Variants in CDK6 observed in about 807,000 individuals in gnomAD.
CDK6 encodes the protein cyclin dependent kinase 6.
A neutral mutation model predicts 37.1 loss-of-function variants in CDK6; 6 were observed. That is an observed-to-expected ratio of 0.16 (90% CI 0.09 to 0.32). The LOEUF is 0.32. Among genes scored for constraint, CDK6 ranks in the 10% least tolerant of loss-of-function variants. The pLI, the probability that CDK6 is intolerant of heterozygous loss-of-function variation, is 1.00. For missense variants in CDK6, 224 were observed against 418.9 expected, an observed-to-expected ratio of 0.53 and a Z score of 4.06; for synonymous variants, 160 against 161.3, an observed-to-expected ratio of 0.99 and a Z score of 0.06.
intron 4 of CDK6, among the ~76,000 whole-genome samples, chr7:92,722,649 T>C (rs1001509300): frequency 3.9e-5 from 6 of 152,340 alleles, no homozygotes; most frequent in Admixed American, 1.3e-4. Context: ...ATGAGGAATA[T>C]TGACACACAT....
intron 5 of CDK6, among the ~76,000 whole-genome samples, chr7:92,648,665 C>T (rs1796502339): frequency 6.6e-6 from 1 of 152,148 alleles, no homozygotes; most frequent in Non-Finnish European, 1.5e-5. Context: ...ACCTAGAATG[C>T]CCAGTTCAAT....
At chr7:92,680,367 G>A (rs974377783) in intron 4 of CDK6, among the ~76,000 whole-genome samples, 1 of 145,518 alleles carries the variant, frequency 6.9e-6, no homozygotes, top group Admixed American at 6.8e-5. Context: ...AGGAGGTGGA[G>A]GTTGCGGTGA....
Position 92,835,904 on chromosome 7 carries a change from A to G in CDK6, c.-368+574T>C, listed in dbSNP as rs1178930592. ...TCTTCGCGGGGCTCCAAGCCTGGGC[A>G]CTGGCCGGCTGCGTGCACTTTTCTG... On this transcript the variant is annotated intron_variant, in intron 1 of 7. Coordinates refer to ENST00000424848, the MANE Select transcript of CDK6 (RefSeq NM_001145306.2). This position sits in a 1 kb window ranked among gnomAD's most constrained non-coding sequence, Gnocchi z 4.2. Among the ~76,000 whole-genome samples the G allele has an allele frequency of 6.6e-6, 1 of 152,254 alleles. No homozygotes were observed. The highest frequency in any genetic ancestry group is 1.5e-5 in the Non-Finnish European group (1 of 68,044).
At chr7:92,734,475 A>T (rs1353402705) in intron 3 of CDK6, among the ~76,000 whole-genome samples, 1 of 152,086 alleles carries the variant, frequency 6.6e-6, no homozygotes, top group African/African-American at 2.4e-5. Context: ...ATCTTTACTC[A>T]TTTACTGCCC....
At chr7:92,728,499 A>G (rs1469168097) in intron 3 of CDK6, among the ~76,000 whole-genome samples, 1 of 152,196 alleles carries the variant, frequency 6.6e-6, no homozygotes, top group African/African-American at 2.4e-5. Flanking sequence ...TAATGGCTGC[A>G]TGGTTTTTCA....
rs1238515349 is a variant in CDK6 at position 92,605,162 on chromosome 7, C to T, written c.*9978G>A. On this transcript the variant is annotated 3_prime_UTR_variant, in exon 8 of 8. Coordinates refer to ENST00000424848, the MANE Select transcript of CDK6 (RefSeq NM_001145306.2). ...AATTTAGCTTTCACATAAGTGAACACATTGGACAGTGATATTTCAACACCA... is the reference window on the plus strand; with the variant it reads ...AATTTAGCTTTCACATAAGTGAACATATTGGACAGTGATATTTCAACACCA... 4 of 233,066 alleles carry T rather than the reference C, an allele frequency of 1.7e-5. No homozygotes were observed. Among genetic ancestry groups the T allele is most frequent in the Middle Eastern group, 1.2e-3 (1 of 802 alleles). 14.4% of individuals were successfully genotyped at this position (233,066 alleles called of 1,614,324 possible). A position where few individuals can be genotyped will look rare whatever the true frequency, so the allele number is the denominator to read the frequency against.
chr7:92,771,822 T>C (rs1031748096), intron 3 of CDK6, among the ~76,000 whole-genome samples: 4 of 152,218 alleles, frequency 2.6e-5, no homozygotes, highest in Non-Finnish European at 5.9e-5. Flanking sequence ...TTGTTCAGAA[T>C]AACAATATTT....
At chr7:92,620,155 C>G (rs1795777913) in intron 6 of CDK6, among the ~76,000 whole-genome samples, 1 of 152,148 alleles carries the variant, frequency 6.6e-6, no homozygotes, top group South Asian at 2.1e-4. Flanking sequence ...CATCTAATTA[C>G]ATCTTGCAAG....
At chr7:92,695,512 G>C (rs1485699879) in intron 4 of CDK6, among the ~76,000 whole-genome samples, 2 of 152,188 alleles carry the variant, frequency 1.3e-5, no homozygotes, top group African/African-American at 2.4e-5. Context: ...GAGAAAGTCA[G>C]ACTAAGAGCA....
chr7:92,791,025 C>T (rs889028292), intron 2 of CDK6, among the ~76,000 whole-genome samples: 2 of 152,098 alleles, frequency 1.3e-5, no homozygotes, highest in South Asian at 2.1e-4. Flanking sequence ...GTGGTAAGAC[C>T]ACCTGTAAGG....
intron 2 of CDK6, among the ~76,000 whole-genome samples, chr7:92,782,903 G>T (rs1269015265): frequency 6.6e-6 from 1 of 152,198 alleles, no homozygotes; most frequent in Non-Finnish European, 1.5e-5. Flanking sequence ...TAGACACAAT[G>T]AGTGAAGCTC....
rs199895249 is a variant in CDK6, at chr7:92,650,421, GT to G, written c.647+21004del. 3.6e-4 allele frequency among the ~76,000 whole-genome samples: 55 copies of G among 150,976 alleles called. 1 individual carries two copies. In the South Asian group the frequency reaches 0.01, roughly 28 times the overall value. On this transcript the variant is annotated intron_variant, in intron 5 of 7. Transcript: ENST00000424848. ...ATTGTTTATTCCACGATCTTTTGTTGTTTTTTTTTGTTGTTGCTGTTATTTT... is the reference window on the plus strand; with the variant it reads ...ATTGTTTATTCCACGATCTTTTGTTGTTTTTTTTGTTGTTGCTGTTATTTT...
intron 5 of CDK6, among the ~76,000 whole-genome samples, chr7:92,633,916 T>C (rs1796112316): frequency 6.6e-6 from 1 of 152,170 alleles, no homozygotes; most frequent in Non-Finnish European, 1.5e-5. Context: ...GGCTTTCCAA[T>C]TAATTTTAAG....
intron 4 of CDK6, among the ~76,000 whole-genome samples, chr7:92,673,200 A>G (rs1209808839): frequency 6.6e-6 from 1 of 152,180 alleles, no homozygotes; most frequent in Non-Finnish European, 1.5e-5. Context: ...GACCTCCCAT[A>G]TAACTGCAGT....
In CDK6 at chr7:92,609,107, G is replaced by A. The variant is rs1290963513; in HGVS notation, c.*6033C>T. The stretch of plus-strand genomic sequence containing the variant: ...CTAGTGTATGTGGCATTTTGGTTCA[G>A]TATGAATTACTGAGACTCATCTGCT... On this transcript the variant is annotated 3_prime_UTR_variant, in exon 8 of 8. Transcript: ENST00000424848. 2 of 232,942 alleles carry A rather than the reference G, an allele frequency of 8.6e-6. No homozygotes were observed. Among genetic ancestry groups the A allele is most frequent in the African/African-American group, 4.4e-5 (2 of 45,318 alleles). The allele number at this position is 232,942 out of a possible 1,614,324, so 14.4% of individuals were successfully genotyped here.
chr7:92,615,116 C>G lies in CDK6; in HGVS notation c.*24G>C, dbSNP rs2116476156. The G allele has an allele frequency of 6.2e-7, 1 of 1,612,546 alleles. No individual in the cohort carries two copies. The highest frequency in any genetic ancestry group is 8.5e-7 in the Non-Finnish European group (1 of 1,179,718). On this transcript the variant is annotated 3_prime_UTR_variant, in exon 8 of 8. Coordinates refer to ENST00000424848, the MANE Select transcript of CDK6 (RefSeq NM_001145306.2). The stretch of plus-strand genomic sequence containing the variant: ...CCACCAAGGGTGTTCTCCGCAGGAT[C>G]AGCTTAAGGCGGCTGCTGAGGCCTC...
At chr7:92,836,192 T>C (rs1801667187) in intron 1 of CDK6, among the ~76,000 whole-genome samples, 1 of 151,922 alleles carries the variant, frequency 6.6e-6, no homozygotes, top group Admixed American at 6.6e-5. Flanking sequence ...TACGGATACG[T>C]GGAAGCAGGA....
intron 3 of CDK6, among the ~76,000 whole-genome samples, chr7:92,728,266 G>A (rs1164528441): frequency 1.3e-5 from 2 of 152,102 alleles, no homozygotes; most frequent in Non-Finnish European, 2.9e-5. Context: ...GGAGAACAGA[G>A]AAAACTTCAC....
rs1379030031 is a variant in CDK6, at chr7:92,607,022, C to G, written c.*8118G>C. On this transcript the variant is annotated 3_prime_UTR_variant, in exon 8 of 8. Transcript: ENST00000424848. ...TTTATAATAAATTATACAGGCAATC[C>G]TTGCTTTTTATTACCACACTGGATT... The G allele has an allele frequency of 4.3e-6, 1 of 233,084 alleles. No homozygotes were observed. The highest frequency in any genetic ancestry group is 5.6e-5 in the Admixed American group (1 of 17,768). 14.4% of individuals were successfully genotyped at this position (233,084 alleles called of 1,614,324 possible).
Sources: allele counts gnomAD v4.1 joint callset (sites outside exome capture counted in the v4.1 genomes callset), GRCh38; gene constraint gnomAD v4.1.1; non-coding constraint Gnocchi (gnomAD v3.1); transcripts MANE v1.5; gene names NCBI Gene and HGNC (gene_info 2026-07-23, HGNC 2026-07-21).